The following PTCHD4 variants were observed in gnomAD, a reference collection of about 807,000 sequenced individuals.
PTCHD4 encodes patched domain containing 4.
PTCHD4 carries 33 observed loss-of-function variants against 58.1 expected under a neutral mutation model. That is an observed-to-expected ratio of 0.57 (90% CI 0.43 to 0.76). The LOEUF (loss-of-function observed/expected upper bound fraction) is 0.76. Ranked by LOEUF, PTCHD4 falls within the 30% of genes least tolerant of loss-of-function variation. The probability of loss-of-function intolerance (pLI) is 0.00; values close to 1 mark genes in which losing one functional copy is unlikely to be tolerated. For missense variants in PTCHD4, 1,058 were observed against 1,027.1 expected, an observed-to-expected ratio of 1.03 and a Z score of -0.41; for synonymous variants, 478 against 409.6, an observed-to-expected ratio of 1.17 and a Z score of -2.02.
At chr6:47,945,826 A>ATATAAATT (rs1766395849) in intron 4 of PTCHD4, among the ~76,000 whole-genome samples, 1 of 151,742 alleles carries the variant, frequency 6.6e-6, no homozygotes, top group Non-Finnish European at 1.5e-5. Flanking sequence ...TTCTTCATAA[A>ATATAAATT]GCTCTTGTAA....
intron 4 of PTCHD4, among the ~76,000 whole-genome samples, chr6:47,919,674 C>T (rs558406702): frequency 6.6e-6 from 1 of 152,252 alleles, no homozygotes; most frequent in African/African-American, 2.4e-5. Context: ...AAGAAGTTTG[C>T]ATTTTGTGTA....
At chr6:48,070,146 T>C (rs1764949472) in intron 1 of PTCHD4, among the ~76,000 whole-genome samples, 1 of 148,154 alleles carries the variant, frequency 6.7e-6, no homozygotes, top group African/African-American at 2.5e-5. Context: ...TGTGTGTGTG[T>C]GTGTGTGTGT....
chr6:47,909,873 C>A (rs371749939), intron 4 of PTCHD4, among the ~76,000 whole-genome samples: 1 of 152,060 alleles, frequency 6.6e-6, no homozygotes, highest in Non-Finnish European at 1.5e-5. Context: ...CATCATAGCC[C>A]CAGCTATGGT....
chr6:47,964,584 T>C (rs1242068812), intron 4 of PTCHD4, among the ~76,000 whole-genome samples: 2 of 152,184 alleles, frequency 1.3e-5, no homozygotes, highest in South Asian at 2.1e-4. Context: ...AGACTTTTAT[T>C]TTATTTTTTC....
rs1763486120 is a variant in PTCHD4, at chr6:47,863,694, T to C, written c.*14609A>G. Among the ~76,000 whole-genome samples, 2 of 152,002 alleles carry C rather than the reference T, an allele frequency of 1.3e-5. No individual in the cohort carries two copies. Among genetic ancestry groups the C allele is most frequent in the Non-Finnish European group, 1.5e-5 (1 of 67,938 alleles). On this transcript the variant is annotated 3_prime_UTR_variant, in exon 5 of 5. Coordinates refer to ENST00000339488, the MANE Select transcript of PTCHD4 (RefSeq NM_001384253.1). ...CTAGTATAGAGTGCTAGTTCTAGTA[T>C]ACAGTGGTTCTAGTTAAACCAGTCT...
At chr6:48,066,099 C>CCTTTT (rs763897152) in intron 3 of PTCHD4, among the ~76,000 whole-genome samples, 1 of 131,262 alleles carries the variant, frequency 7.6e-6, no homozygotes. Context: ...CTGACATCTA[C>CCTTTT]TTTTTTTTTT....
rs1764908298 is a variant in PTCHD4 at position 48,068,926 on chromosome 6, C to A, written c.5+27G>T. The stretch of plus-strand genomic sequence containing the variant: ...ACCCCCTCCCCGGTCTCCCCGCGCC[C>A]TCGCCGCCTCCCGCGCTGGCTCTCA... On this transcript the variant is annotated intron_variant, in intron 2 of 4. Transcript: ENST00000339488. The surrounding 1 kb of genome is among the most constrained non-coding windows in gnomAD (Gnocchi z 4.2). Among the ~76,000 whole-genome samples the A allele has an allele frequency of 1.3e-5, 2 of 151,634 alleles. No homozygotes were observed. The highest frequency in any genetic ancestry group is 2.9e-5 in the Non-Finnish European group (2 of 67,896).
Position 47,877,790 on chromosome 6 carries a change from A to G in PTCHD4, c.*513T>C, listed in dbSNP as rs999558592. 2.6e-5 allele frequency among the ~76,000 whole-genome samples: 4 copies of G among 152,066 alleles called. No homozygotes were observed. The highest frequency in any genetic ancestry group is 5.9e-5 in the Non-Finnish European group (4 of 67,988). On this transcript the variant is annotated 3_prime_UTR_variant, in exon 5 of 5. Coordinates refer to ENST00000339488, the MANE Select transcript of PTCHD4 (RefSeq NM_001384253.1). ...GTATATGTATATACGGGATATATAC[A>G]TATATATGTACACATAAAATGGATT...
intron 4 of PTCHD4, among the ~76,000 whole-genome samples, chr6:47,965,053 C>T (rs1438623578): frequency 2.0e-5 from 3 of 152,042 alleles, no homozygotes; most frequent in Non-Finnish European, 2.9e-5. Flanking sequence ...TGGAAAATAC[C>T]TGGCCTTTAT....
chr6:47,905,976 GC>G (rs1764870169), intron 4 of PTCHD4, among the ~76,000 whole-genome samples: 1 of 152,206 alleles, frequency 6.6e-6, no homozygotes, highest in Admixed American at 6.5e-5. Flanking sequence ...TGTCTGTGGG[GC>G]CCCTGGGGGC....
chr6:48,095,140 A>C (rs1337495575), intron 1 of PTCHD4, among the ~76,000 whole-genome samples: 1 of 152,218 alleles, frequency 6.6e-6, no homozygotes, highest in Non-Finnish European at 1.5e-5. Context: ...AAAACTTACC[A>C]AATTGTGTAC....
intron 3 of PTCHD4, among the ~76,000 whole-genome samples, chr6:48,039,247 A>G (rs1385520564): frequency 6.6e-6 from 1 of 152,206 alleles, no homozygotes; most frequent in Non-Finnish European, 1.5e-5. Context: ...GCAAATCAAT[A>G]TGGATAAATC....
chr6:47,879,523 A>C lies in PTCHD4; in HGVS notation c.1312T>G (p.Tyr438Asp), dbSNP rs749315183. 1 of 1,613,764 alleles carries C rather than the reference A, an allele frequency of 6.2e-7. No homozygotes were observed. The highest frequency in any genetic ancestry group is 8.5e-7 in the Non-Finnish European group (1 of 1,179,768). The change falls in exon 5 of 5, where the codon TAC becomes GAC. Residue 438 changes from tyrosine (Y) to aspartate (D), a missense_variant. Physicochemically the swap from Tyr to Asp is radical, Grantham distance 160. Coordinates refer to ENST00000339488, the MANE Select transcript of PTCHD4 (RefSeq NM_001384253.1). ...AAGTGCTGAATGAAGTGGTGCTGGT[A>C]GGGGTTCGTCTCATGATGGGACGTC... ...QQTSHHETNP[Y>D]QHHFIQHFLR...
At chr6:48,037,530 T>A (rs1169080326) in intron 3 of PTCHD4, among the ~76,000 whole-genome samples, 5 of 152,184 alleles carry the variant, frequency 3.3e-5, no homozygotes, top group Non-Finnish European at 7.4e-5. Context: ...TCCTTCTTTT[T>A]TAAATCTCAT....
chr6:48,085,267 ATTAAG>A (rs778013502), intron 1 of PTCHD4, among the ~76,000 whole-genome samples: 2 of 152,170 alleles, frequency 1.3e-5, no homozygotes, highest in Non-Finnish European at 2.9e-5. Flanking sequence ...ATTTATAAAA[ATTAAG>A]TTATTTTCTG....
chr6:47,966,248 A>C (rs936300354), intron 4 of PTCHD4, among the ~76,000 whole-genome samples: 6 of 152,212 alleles, frequency 3.9e-5, no homozygotes, highest in African/African-American at 1.4e-4. Flanking sequence ...AGTAAGTCAC[A>C]CATTTTTTGC....
chr6:47,871,849 T>C lies in PTCHD4; in HGVS notation c.*6454A>G, dbSNP rs1241273722. On this transcript the variant is annotated 3_prime_UTR_variant, in exon 5 of 5. Transcript: ENST00000339488. ...ATGCATAATTAACAGGAAAGTATAA[T>C]AAAGTTGTTGCTTAAACTACTAAAA... Among the ~76,000 whole-genome samples, 1 of 151,632 alleles carries C rather than the reference T, an allele frequency of 6.6e-6. No individual in the cohort carries two copies. Among genetic ancestry groups the C allele is most frequent in the East Asian group, 1.9e-4 (1 of 5,152 alleles).
chr6:47,977,607 G>A (rs969619561), intron 4 of PTCHD4, among the ~76,000 whole-genome samples: 1 of 152,112 alleles, frequency 6.6e-6, no homozygotes, highest in African/African-American at 2.4e-5. Context: ...CCATGCCCAG[G>A]TTCCTAATCT....
chr6:48,022,388 C>T (rs1763101725), intron 3 of PTCHD4, among the ~76,000 whole-genome samples: 1 of 151,540 alleles, frequency 6.6e-6, no homozygotes, highest in Admixed American at 6.6e-5. Flanking sequence ...GCTAAATTAC[C>T]TTTTATTTTT....
Sources: allele counts gnomAD v4.1 joint callset (sites outside exome capture counted in the v4.1 genomes callset), GRCh38; gene constraint gnomAD v4.1.1; non-coding constraint Gnocchi (gnomAD v3.1); transcripts MANE v1.5; gene names NCBI Gene and HGNC (gene_info 2026-07-23, HGNC 2026-07-21).